Variants in ERAP1 observed in about 807,000 individuals in gnomAD.
ERAP1 encodes the protein adipocyte-derived leucine aminopeptidase.
ERAP1 carries 86 observed loss-of-function variants against 103.7 expected under a neutral mutation model. The observed-to-expected ratio is 0.83, with a 90% CI of 0.70 to 0.99. The LOEUF (loss-of-function observed/expected upper bound fraction) is 0.99, where lower values mean the gene tolerates loss of function less well. Ranked by LOEUF, ERAP1 falls within the 50% of genes least tolerant of loss-of-function variation. The probability of loss-of-function intolerance (pLI) is 0.00; values close to 1 mark genes in which losing one functional copy is unlikely to be tolerated. For missense variants in ERAP1, 1,009 were observed against 1,128.4 expected (o/e 0.89, Z 1.52); for synonymous variants, 398 against 402.4 (o/e 0.99, Z 0.13).
chr5:96,861,147 A>T, the ERAP1 span, among the ~76,000 whole-genome samples: 1 of 152,154 alleles, frequency 6.6e-6, no homozygotes, highest in Non-Finnish European at 1.5e-5. Context: ...ATTCCCACAA[A>T]TAAGGCATCT....
exon 20 of ERAP1, chr5:96,762,238 A>G: frequency 7.3e-7 from 1 of 1,377,822 alleles, no homozygotes; most frequent in Admixed American, 1.9e-5. Flanking sequence ...AATTTTATAT[A>G]CAACATGTTA....
At chr5:96,925,899 C>A in the ERAP1 span, among the ~76,000 whole-genome samples, 5 of 147,412 alleles carry the variant, frequency 3.4e-5, 1 homozygote, top group South Asian at 1.1e-3. Flanking sequence ...GAGATACTCA[C>A]AGTATAATTT....
At chr5:96,849,215 A>G in the ERAP1 span, among the ~76,000 whole-genome samples, 1 of 152,330 alleles carries the variant, frequency 6.6e-6, no homozygotes, top group East Asian at 1.9e-4. Context: ...GGAACAAGAC[A>G]AGAATGCCTA....
At chr5:96,899,926 A>G in the ERAP1 span, among the ~76,000 whole-genome samples, 4 of 152,226 alleles carry the variant, frequency 2.6e-5, no homozygotes, top group African/African-American at 7.2e-5. Flanking sequence ...ATATAACACA[A>G]AGAAATAACT....
intron 12 of ERAP1, 116 bp from the exon 13 acceptor site, chr5:96,786,087 A>T: frequency 1.0e-6 from 1 of 954,652 alleles, no homozygotes; most frequent in Non-Finnish European, 1.6e-6. Context: ...AAATTTGAAA[A>T]CATCACTTAT....
intron 19 of ERAP1, chr5:96,763,318 A>G (rs2150696730): frequency 1.3e-6 from 1 of 775,414 alleles, no homozygotes; most frequent in East Asian, 2.4e-5. Flanking sequence ...ATTATAATAA[A>G]GCACTTAAAA....
At chr5:96,831,349 C>A in the ERAP1 span, among the ~76,000 whole-genome samples, 1 of 152,178 alleles carries the variant, frequency 6.6e-6, no homozygotes, top group Non-Finnish European at 1.5e-5. Flanking sequence ...CCACCAGGCC[C>A]CACCTCCAAC....
intron 15 of ERAP1, among the ~76,000 whole-genome samples, chr5:96,782,524 G>A (rs1307713115): frequency 6.6e-6 from 1 of 152,178 alleles, no homozygotes; most frequent in Non-Finnish European, 1.5e-5. Flanking sequence ...GACGGCAGTA[G>A]GACCACTGTT....
the ERAP1 span, among the ~76,000 whole-genome samples, chr5:96,828,915 C>T: frequency 6.6e-6 from 1 of 152,088 alleles, no homozygotes; most frequent in African/African-American, 2.4e-5. Context: ...GGCACAATCT[C>T]GGCTCATTGC....
the ERAP1 span, chr5:96,935,330 C>T: frequency 6.6e-6 from 1 of 152,294 alleles, no homozygotes; most frequent in Non-Finnish European, 1.5e-5. Flanking sequence ...CCAGGGCGCC[C>T]TCGGCCCTGC....
intron 11 of ERAP1, among the ~76,000 whole-genome samples, chr5:96,788,296 G>A (rs111734783): frequency 1.1e-4 from 16 of 152,128 alleles, no homozygotes; most frequent in African/African-American, 3.6e-4. Flanking sequence ...TACAAAATAT[G>A]AGAATGTTAA....
chr5:96,782,746 ATG>A (rs758498031), intron 15 of ERAP1, among the ~76,000 whole-genome samples: 12 of 152,236 alleles, frequency 7.9e-5, no homozygotes, highest in Non-Finnish European at 1.6e-4. Flanking sequence ...AATACAATGC[ATG>A]TGTTTCTCTA....
chr5:96,849,173 C>G, the ERAP1 span, among the ~76,000 whole-genome samples: 4 of 152,104 alleles, frequency 2.6e-5, no homozygotes, highest in Admixed American at 2.6e-4. Flanking sequence ...TAACATGATA[C>G]TCAAAAATGG....
Position 96,800,895 on chromosome 5 carries a change from C to T in ERAP1, c.630G>A (p.Glu210=). 1 of 1,614,130 alleles carries T rather than the reference C, an allele frequency of 6.2e-7. No homozygotes were observed. Among genetic ancestry groups the T allele is most frequent in the East Asian group, 2.2e-5 (1 of 44,876 alleles). ...TATTGGAGATGGCTAGGTGCCTTGG[C>T]TCTCTTCTAATTTTGATTGAGAAAC... ...KASFSIKIRR[E]PRHLAISNMP... The change falls in exon 3 of 19, where the codon GAG becomes GAA. Residue 210 remains glutamate, a synonymous_variant. Coordinates refer to ENST00000443439, the MANE Select transcript of ERAP1 (RefSeq NM_001040458.3).
chr5:96,888,129 GA>G, the ERAP1 span, among the ~76,000 whole-genome samples: 49 of 130,048 alleles, frequency 3.8e-4, no homozygotes, highest in Admixed American at 2.4e-3. Flanking sequence ...CATCTCAAAA[GA>G]AAAAAAAAAA....
intron 1 of ERAP1, among the ~76,000 whole-genome samples, chr5:96,806,849 T>C (rs1778663128): frequency 1.2e-5 from 1 of 84,764 alleles, no homozygotes; most frequent in African/African-American, 3.6e-5. Context: ...CTGGATTAAT[T>C]TGAAAAAAAA....
At chr5:96,889,085 G>T in the ERAP1 span, 17 of 1,396,838 alleles carry the variant, frequency 1.2e-5, no homozygotes, top group Non-Finnish European at 1.6e-5. Context: ...ATACTTTCTT[G>T]AAAAGATACA....
rs1429325305 is a variant in ERAP1 at position 96,785,973 on chromosome 5, T to C, written c.1760-2A>G. 2 of 1,613,690 alleles carry C rather than the reference T, an allele frequency of 1.2e-6. No homozygotes were observed. The highest frequency in any genetic ancestry group is 1.7e-6 in the Non-Finnish European group (2 of 1,179,850). On this transcript the variant is annotated splice_acceptor_variant, in intron 12 of 18. Transcript: ENST00000443439. LOFTEE classifies it high-confidence loss of function. ...CCTCTTCTGGGAGGATGAGCACATC[T>C]AGAGTAAATAAAATAAATCAAAGTT...
the ERAP1 span, among the ~76,000 whole-genome samples, chr5:96,877,205 C>A: frequency 3.3e-5 from 5 of 152,180 alleles, no homozygotes; most frequent in African/African-American, 1.2e-4. Flanking sequence ...GAATTCCTGA[C>A]CTCAGGTGAT....
Sources: allele counts gnomAD v4.1 joint callset (sites outside exome capture counted in the v4.1 genomes callset), GRCh38; gene constraint gnomAD v4.1.1; transcripts MANE v1.5; gene names NCBI Gene and HGNC (gene_info 2026-07-23, HGNC 2026-07-21).